Variants in PXDNL observed in about 807,000 individuals in gnomAD.
PXDNL encodes peroxidasin like.
Under a neutral mutation model 150.8 loss-of-function variants are expected in PXDNL, and 145 were observed. The observed-to-expected ratio is 0.96, with a 90% CI of 0.84 to 1.10. PXDNL has a LOEUF of 1.10. Ranked by LOEUF, PXDNL falls within the 50% of genes least tolerant of loss-of-function variation. The pLI is 0.00. For missense variants in PXDNL, 2,087 were observed against 1,873.9 expected (o/e 1.11, Z -2.10); for synonymous variants, 757 against 725.7 (o/e 1.04, Z -0.69).
chr8:51,689,262 A>G (rs927762453), intron 1 of PXDNL, among the ~76,000 whole-genome samples: 1 of 151,768 alleles, frequency 6.6e-6, no homozygotes, highest in African/African-American at 2.4e-5. Context: ...CAGCTTCTTC[A>G]TGATTTCTTT....
chr8:51,651,649 A>G (rs1355305897), intron 2 of PXDNL, among the ~76,000 whole-genome samples: 1 of 152,138 alleles, frequency 6.6e-6, no homozygotes, highest in Non-Finnish European at 1.5e-5. Context: ...AGTGGCATGC[A>G]TTTATTTTAT....
At chr8:51,587,073 A>T (rs1813340903) in intron 3 of PXDNL, among the ~76,000 whole-genome samples, 1 of 152,204 alleles carries the variant, frequency 6.6e-6, no homozygotes, top group Non-Finnish European at 1.5e-5. Flanking sequence ...CACATTTTGT[A>T]TTACAGTGAT....
rs187985041 is a variant in PXDNL, at chr8:51,448,366, G to C, written c.1366+636C>G. Reference sequence around the variant, plus strand: ...TTCATTTCACTTGTGATTTCATTTTGTACTAGAAGAAAATTATCCCACTGA... The same window carrying C: ...TTCATTTCACTTGTGATTTCATTTTCTACTAGAAGAAAATTATCCCACTGA... On this transcript the variant is annotated intron_variant, in intron 11 of 22. Transcript: ENST00000356297. Among the ~76,000 whole-genome samples, 17 of 152,256 alleles carry C rather than the reference G, an allele frequency of 1.1e-4. No individual in the cohort carries two copies. In the East Asian group the frequency reaches 3.3e-3, roughly 29 times the overall value.
At chr8:51,671,348 T>C (rs1815497176) in intron 1 of PXDNL, among the ~76,000 whole-genome samples, 1 of 152,192 alleles carries the variant, frequency 6.6e-6, no homozygotes, top group Non-Finnish European at 1.5e-5. Context: ...CAAACAAAAA[T>C]TTTATAGTGT....
chr8:51,680,049 A>T (rs559488704), intron 1 of PXDNL, among the ~76,000 whole-genome samples: 1 of 152,236 alleles, frequency 6.6e-6, no homozygotes, highest in African/African-American at 2.4e-5. Context: ...TATTTGATTT[A>T]TGCTTGAAAA....
chr8:51,585,153 T>C (rs1408504730), intron 3 of PXDNL, among the ~76,000 whole-genome samples: 2 of 151,830 alleles, frequency 1.3e-5, no homozygotes, highest in East Asian at 3.9e-4. Context: ...AAGTAAGGAG[T>C]GCGTTTGAAG....
rs183335255 is a variant in PXDNL at position 51,660,952 on chromosome 8, C to T, written c.165-6192G>A. Among the ~76,000 whole-genome samples the T allele has an allele frequency of 1.6e-3, 243 of 152,276 alleles. 1 individual carries two copies. Among genetic ancestry groups the T allele is most frequent in the African/African-American group, 5.4e-3 (226 of 41,564 alleles). On this transcript the variant is annotated intron_variant, in intron 1 of 22. Coordinates refer to ENST00000356297, the MANE Select transcript of PXDNL (RefSeq NM_144651.5). ...CCTCAGGCGATGCCCTTTGCGACCG[C>T]CCCCCATCCAGCATTTCAGGACGGT...
chr8:51,733,893 GA>G (rs1009384230), intron 1 of PXDNL, among the ~76,000 whole-genome samples: 2 of 147,618 alleles, frequency 1.4e-5, no homozygotes, highest in Admixed American at 6.8e-5. Context: ...ACATATAAAG[GA>G]AAAAACAAAA....
intron 1 of PXDNL, among the ~76,000 whole-genome samples, chr8:51,689,574 C>T (rs752982136): frequency 6.0e-5 from 9 of 149,296 alleles, no homozygotes; most frequent in Admixed American, 6.7e-5. Flanking sequence ...TTATCCGACT[C>T]TTTTTTTTTT....
chr8:51,671,150 C>A (rs1315002279), intron 1 of PXDNL, among the ~76,000 whole-genome samples: 1 of 152,128 alleles, frequency 6.6e-6, no homozygotes, highest in Admixed American at 6.5e-5. Flanking sequence ...ATTTGGAAGA[C>A]TTGACTCGAA....
chr8:51,647,770 G>C (rs779307326), intron 2 of PXDNL, among the ~76,000 whole-genome samples: 7 of 152,046 alleles, frequency 4.6e-5, no homozygotes, highest in Non-Finnish European at 1.0e-4. Flanking sequence ...AGTGCTTCAT[G>C]GGCTTTATTA....
At chr8:51,400,570 T>C (rs1808218512) in intron 17 of PXDNL, among the ~76,000 whole-genome samples, 1 of 152,234 alleles carries the variant, frequency 6.6e-6, no homozygotes, top group Non-Finnish European at 1.5e-5. Flanking sequence ...GCACGCCTTC[T>C]AAGAAATGGA....
At chr8:51,646,424 A>G (rs7000785) in intron 2 of PXDNL, among the ~76,000 whole-genome samples, 101,853 of 151,550 alleles carry the variant, frequency 0.67, 34,906 homozygotes, top group Non-Finnish European at 0.74. Context: ...CAGCTAATAC[A>G]AGTGATAACA....
chr8:51,752,454 A>G (rs1166694888), intron 1 of PXDNL, among the ~76,000 whole-genome samples: 1 of 152,202 alleles, frequency 6.6e-6, no homozygotes. Context: ...GTATAAGGGC[A>G]CTGGCTCTCT....
intron 6 of PXDNL, among the ~76,000 whole-genome samples, chr8:51,476,417 C>T (rs750128226): frequency 2.4e-4 from 37 of 152,194 alleles, no homozygotes; most frequent in Non-Finnish European, 4.4e-4. Flanking sequence ...CTCAAAGTCC[C>T]AGTTAGAAGG....
At chr8:51,607,906 G>A (rs1360449533) in intron 2 of PXDNL, among the ~76,000 whole-genome samples, 4 of 115,628 alleles carry the variant, frequency 3.5e-5, no homozygotes, top group Non-Finnish European at 5.0e-5. Context: ...GGTGGGGAGG[G>A]AGGGAGGGAA....
At chr8:51,716,679 G>T (rs1218362070) in intron 1 of PXDNL, among the ~76,000 whole-genome samples, 1 of 152,162 alleles carries the variant, frequency 6.6e-6, no homozygotes, top group Non-Finnish European at 1.5e-5. Flanking sequence ...ATTTCAGAAA[G>T]TAAATAATAA....
At chr8:51,481,356 T>C (rs1241419870) in intron 6 of PXDNL, among the ~76,000 whole-genome samples, 1 of 152,186 alleles carries the variant, frequency 6.6e-6, no homozygotes, top group African/African-American at 2.4e-5. Flanking sequence ...TGATTTCAGG[T>C]ATCTGGTAGA....
intron 5 of PXDNL, among the ~76,000 whole-genome samples, chr8:51,493,147 G>A (rs916154022): frequency 6.6e-6 from 1 of 152,164 alleles, no homozygotes; most frequent in African/African-American, 2.4e-5. Flanking sequence ...TCTGCAGACT[G>A]CGCTGCTGAT....
Sources: allele counts gnomAD v4.1 joint callset (sites outside exome capture counted in the v4.1 genomes callset), GRCh38; gene constraint gnomAD v4.1.1; transcripts MANE v1.5; gene names NCBI Gene and HGNC (gene_info 2026-07-23, HGNC 2026-07-21).